The following GLG1 variants were observed in gnomAD, a reference collection of about 807,000 sequenced individuals.
The protein encoded by GLG1 is Golgi apparatus protein 1.
A neutral mutation model predicts 160.5 loss-of-function variants in GLG1; 38 were observed. The ratio of observed to expected loss-of-function variants is 0.24; its 90% CI spans 0.18 to 0.31. GLG1 has a LOEUF of 0.31. Ranked by LOEUF, GLG1 falls within the 10% of genes least tolerant of loss-of-function variation. GLG1 has a pLI of 1.00. For missense variants in GLG1, 1,373 were observed against 1,505.2 expected (o/e 0.91, Z 1.45); for synonymous variants, 644 against 543.4 (o/e 1.19, Z -2.57).
At chr16:74,477,291 T>G in intron 12 of GLG1, 105 bp downstream of exon 12, 1 of 907,958 alleles carries the variant, frequency 1.1e-6, no homozygotes, top group Non-Finnish European at 1.8e-6. Flanking sequence ...AAATCACATC[T>G]GTAAGGTAAA....
At chr16:74,491,845 T>A (rs1264675283) in intron 7 of GLG1, among the ~76,000 whole-genome samples, 1 of 151,538 alleles carries the variant, frequency 6.6e-6, no homozygotes, top group African/African-American at 2.4e-5. Context: ...TTCACCGTGG[T>A]CTCGATCTCC....
intron 23 of GLG1, among the ~76,000 whole-genome samples, chr16:74,458,482 G>T (rs570248152): frequency 6.6e-6 from 1 of 152,106 alleles, no homozygotes; most frequent in Admixed American, 6.5e-5. Flanking sequence ...ACCCGTGTGG[G>T]TAACACAGCA....
intron 1 of GLG1, among the ~76,000 whole-genome samples, chr16:74,573,699 G>C (rs985421578): frequency 6.7e-6 from 1 of 149,704 alleles, no homozygotes; most frequent in Non-Finnish European, 1.5e-5. Flanking sequence ...TACTGAGCCT[G>C]GCTAATTAGC....
At chr16:74,594,587 T>C (rs1173665666) in intron 1 of GLG1, among the ~76,000 whole-genome samples, 1 of 152,172 alleles carries the variant, frequency 6.6e-6, no homozygotes, top group Non-Finnish European at 1.5e-5. Context: ...GTTTCAAATC[T>C]ATCTAAGGCA....
intron 3 of GLG1, among the ~76,000 whole-genome samples, chr16:74,507,962 T>C (rs943426984): frequency 6.6e-6 from 1 of 152,076 alleles, no homozygotes; most frequent in Non-Finnish European, 1.5e-5. Context: ...TTCAACGATA[T>C]GCCTTTCTGC....
intron 1 of GLG1, among the ~76,000 whole-genome samples, chr16:74,543,363 A>G (rs903710687): frequency 9.2e-5 from 14 of 152,234 alleles, no homozygotes; most frequent in Admixed American, 2.6e-4. Context: ...GCTACTTGGG[A>G]GGCTGAGGTG....
chr16:74,595,694 T>G (rs1958282842), intron 1 of GLG1, among the ~76,000 whole-genome samples: 1 of 152,250 alleles, frequency 6.6e-6, no homozygotes. Flanking sequence ...TCTAGATCAG[T>G]GCTATTCATA....
At chr16:74,553,857 G>A (rs1407063197) in intron 1 of GLG1, among the ~76,000 whole-genome samples, 1 of 152,024 alleles carries the variant, frequency 6.6e-6, no homozygotes, top group African/African-American at 2.4e-5. Flanking sequence ...GTCTTCTTGT[G>A]GCTTCTAAAA....
chr16:74,557,935 T>C (rs1028384720), intron 1 of GLG1, among the ~76,000 whole-genome samples: 2 of 152,150 alleles, frequency 1.3e-5, no homozygotes, highest in Non-Finnish European at 1.5e-5. Flanking sequence ...ATGAGTCCTT[T>C]TTTATGGAAG....
At chr16:74,458,129 T>A (rs946070851) in intron 23 of GLG1, 135 bp from the exon 24 acceptor site, 6 of 762,796 alleles carry the variant, frequency 7.9e-6, no homozygotes, top group Non-Finnish European at 1.3e-5. Context: ...TTGGGACAGG[T>A]TGCAAGGTGG....
chr16:74,596,209 G>A (rs569709700), intron 1 of GLG1, among the ~76,000 whole-genome samples: 17 of 150,964 alleles, frequency 1.1e-4, no homozygotes, highest in African/African-American at 3.4e-4. Context: ...GCAACAGAGC[G>A]AGACTCTGTC....
At chr16:74,507,187 G>C (rs1447375571) in intron 3 of GLG1, among the ~76,000 whole-genome samples, 1 of 152,156 alleles carries the variant, frequency 6.6e-6, no homozygotes, top group African/African-American at 2.4e-5. Context: ...CTGTGGGAGG[G>C]AGAAGTGTCC....
chr16:74,581,579 T>C (rs532284646), intron 1 of GLG1, among the ~76,000 whole-genome samples: 3 of 141,866 alleles, frequency 2.1e-5, no homozygotes, highest in African/African-American at 7.8e-5. Flanking sequence ...ATGCCTGTAA[T>C]ACCAGCACTT....
intron 1 of GLG1, among the ~76,000 whole-genome samples, chr16:74,576,241 C>G (rs2019000545): frequency 6.6e-6 from 1 of 151,872 alleles, no homozygotes; most frequent in Non-Finnish European, 1.5e-5. Context: ...TGGTGTCATA[C>G]ATACACATTT....
chr16:74,475,666 A>AT (rs770851786), intron 12 of GLG1, among the ~76,000 whole-genome samples: 3 of 152,220 alleles, frequency 2.0e-5, no homozygotes, highest in Non-Finnish European at 2.9e-5. Flanking sequence ...TTCACAAAGC[A>AT]TATCAACAGC....
chr16:74,465,679 T>A lies in GLG1; in HGVS notation c.2664A>T (p.Ile888=). Residue 888 remains isoleucine, a synonymous_variant, in exon 19 of 26, where the codon ATA becomes ATT. Coordinates refer to ENST00000422840, the MANE Select transcript of GLG1 (RefSeq NM_001145667.2). ...YTLMRVCKQM[I]KRFCPEADSK... ...GCCTTTGGTGTCGGCTTCTCACCTTTATCATCTGCTTGCAGACCCTCATGA... is the reference window on the plus strand; with the variant it reads ...GCCTTTGGTGTCGGCTTCTCACCTTAATCATCTGCTTGCAGACCCTCATGA... The A allele has an allele frequency of 6.2e-7, 1 of 1,613,882 alleles. No homozygotes were observed. Among genetic ancestry groups the A allele is most frequent in the Non-Finnish European group, 8.5e-7 (1 of 1,179,908 alleles).
chr16:74,602,899 T>A (rs529648397), intron 1 of GLG1, among the ~76,000 whole-genome samples: 27 of 151,946 alleles, frequency 1.8e-4, no homozygotes, highest in Non-Finnish European at 3.4e-4. Context: ...CAATGGCTCA[T>A]GCCTGTAATC....
At chr16:74,505,438 G>A (rs899853105) in intron 3 of GLG1, among the ~76,000 whole-genome samples, 8 of 152,198 alleles carry the variant, frequency 5.3e-5, no homozygotes, top group African/African-American at 1.9e-4. Context: ...AGAGGGCCAT[G>A]GCTGGGCACG....
chr16:74,593,953 C>G (rs1332385195), intron 1 of GLG1, among the ~76,000 whole-genome samples: 1 of 152,032 alleles, frequency 6.6e-6, no homozygotes. Context: ...GTTGCCCAGG[C>G]TAGAGTGCAA....
Sources: allele counts gnomAD v4.1 joint callset (sites outside exome capture counted in the v4.1 genomes callset), GRCh38; gene constraint gnomAD v4.1.1; transcripts MANE v1.5; gene names NCBI Gene and HGNC (gene_info 2026-07-23, HGNC 2026-07-21).